The following CALCR variants were observed in gnomAD, a reference collection of about 807,000 sequenced individuals.
CALCR encodes calcitonin receptor.
CALCR carries 47 observed loss-of-function variants against 59.5 expected under a neutral mutation model. The observed-to-expected ratio is 0.79, with a 90% CI of 0.63 to 1.01. The LOEUF is 1.01. Ranked by LOEUF, CALCR falls within the 50% of genes least tolerant of loss-of-function variation. CALCR has a pLI of 0.00. For synonymous variants in CALCR, 213 were observed against 211.3 expected (o/e 1.01, Z -0.07); for missense variants, 566 against 597.1 (o/e 0.95, Z 0.54).
intron 2 of CALCR, among the ~76,000 whole-genome samples, chr7:93,561,306 G>A (rs1357651228): frequency 6.6e-6 from 1 of 151,710 alleles, no homozygotes; most frequent in East Asian, 1.9e-4. Flanking sequence ...TTTTTCAAGT[G>A]TAGCCTGCAT....
chr7:93,546,839 G>A (rs1789302665), intron 2 of CALCR, among the ~76,000 whole-genome samples: 1 of 152,072 alleles, frequency 6.6e-6, no homozygotes, highest in African/African-American at 2.4e-5. Flanking sequence ...GGGATTACAG[G>A]CTTGAGCCAC....
chr7:93,479,404 T>C lies in CALCR; in HGVS notation c.155A>G (p.Gln52Arg), dbSNP rs959037400. The C allele has an allele frequency of 3.1e-6, 5 of 1,612,638 alleles. No homozygotes were observed. In the Admixed American group the frequency reaches 5.0e-5, roughly 16 times the overall value. The change falls in exon 4 of 14, where the codon CAG becomes CGG. Residue 52 changes from glutamine to arginine, a missense_variant. Gln to Arg is a conservative substitution (Grantham distance 43). Transcript: ENST00000426151. Reference protein sequence around the residue: ...VVGRKKMMDAQYKCYDRMQQL... With the variant: ...VVGRKKMMDARYKCYDRMQQL... ...CTGCATTCGGTCATAGCATTTGTAC[T>C]GTGCATCCATCATCTTCTTTCGTCC... is the stretch of plus-strand genomic sequence containing the variant.
intron 2 of CALCR, among the ~76,000 whole-genome samples, chr7:93,523,094 G>T (rs1300936700): frequency 6.6e-6 from 1 of 152,174 alleles, no homozygotes; most frequent in East Asian, 1.9e-4. Flanking sequence ...TTGTTAAAAT[G>T]AATGCTCAAG....
At chr7:93,557,376 CA>C (rs1314574255) in intron 2 of CALCR, among the ~76,000 whole-genome samples, 6 of 151,596 alleles carry the variant, frequency 4.0e-5, no homozygotes, top group African/African-American at 1.2e-4. Context: ...AGCTAATTAA[CA>C]TATACAAGAA....
chr7:93,503,994 T>C (rs1237924799), intron 2 of CALCR, among the ~76,000 whole-genome samples: 1 of 152,162 alleles, frequency 6.6e-6, no homozygotes, highest in Non-Finnish European at 1.5e-5. Flanking sequence ...CTGATGGGCT[T>C]TCTAATTACA....
intron 13 of CALCR, among the ~76,000 whole-genome samples, chr7:93,429,768 A>G (rs1799607644): frequency 1.3e-5 from 2 of 152,036 alleles, no homozygotes. Context: ...AATGAATGCA[A>G]AGATTGTAAC....
intron 13 of CALCR, among the ~76,000 whole-genome samples, chr7:93,433,442 G>A (rs1008353001): frequency 2.0e-5 from 3 of 152,180 alleles, no homozygotes; most frequent in Non-Finnish European, 2.9e-5. Context: ...TTAATTGGGA[G>A]TTGGTCAGTT....
chr7:93,482,719 A>G (rs1226017492), intron 3 of CALCR: 2 of 513,326 alleles, frequency 3.9e-6, no homozygotes, highest in African/African-American at 3.9e-5. Flanking sequence ...GAAATACGAC[A>G]ATCTGTATAC....
chr7:93,521,285 G>C lies in CALCR; in HGVS notation c.-26-34278C>G, dbSNP rs570394364. Among the ~76,000 whole-genome samples, 3 of 152,176 alleles carry C rather than the reference G, an allele frequency of 2.0e-5. No homozygotes were observed. In the South Asian group the frequency reaches 6.2e-4, roughly 32 times the overall value. On this transcript the variant is annotated intron_variant, in intron 2 of 13. Transcript: ENST00000426151. ...GTGGCCCAGATCACAGAGGTCACTG[G>C]ATACAAAGGCACTTGGTAGGAAGAT...
At chr7:93,496,160 A>G (rs939971917) in intron 2 of CALCR, among the ~76,000 whole-genome samples, 2 of 151,466 alleles carry the variant, frequency 1.3e-5, no homozygotes, top group Non-Finnish European at 3.0e-5. Context: ...TTCCAAAAGC[A>G]TGTTCCATAG....
intron 6 of CALCR, among the ~76,000 whole-genome samples, chr7:93,469,818 T>G (rs1039303299): frequency 6.6e-5 from 10 of 151,762 alleles, no homozygotes; most frequent in African/African-American, 1.9e-4. Flanking sequence ...TGAATGCAAA[T>G]GTAGTGTAGA....
chr7:93,531,343 A>T (rs745620722), intron 2 of CALCR, among the ~76,000 whole-genome samples: 2 of 152,066 alleles, frequency 1.3e-5, no homozygotes, highest in Non-Finnish European at 2.9e-5. Flanking sequence ...AGTTGTTACT[A>T]AAGTCTTTGC....
chr7:93,505,226 T>C (rs1801401736), intron 2 of CALCR, among the ~76,000 whole-genome samples: 2 of 152,046 alleles, frequency 1.3e-5, no homozygotes, highest in South Asian at 4.2e-4. Flanking sequence ...CCCCCAAAAA[T>C]AGTTTGAGTT....
In CALCR at chr7:93,487,019, T is replaced by A. The variant is rs762526303; in HGVS notation, c.-26-12A>T. 2 of 1,429,368 alleles carry A rather than the reference T, an allele frequency of 1.4e-6. No homozygotes were observed. Among genetic ancestry groups the A allele is most frequent in the Admixed American group, 3.5e-5 (2 of 57,014 alleles). The allele number at this position is 1,429,368 out of a possible 1,614,324, so 88.5% of individuals were successfully genotyped here. ...AAGATCTCTTTGTCCTAGAAAAATATAAAAGCAACAAAGACTAAAATTAAT... is the reference window on the plus strand; with the variant it reads ...AAGATCTCTTTGTCCTAGAAAAATAAAAAAGCAACAAAGACTAAAATTAAT... On this transcript the variant is annotated splice_polypyrimidine_tract_variant and intron_variant, in intron 2 of 13. Coordinates refer to ENST00000426151, the MANE Select transcript of CALCR (RefSeq NM_001742.4).
intron 8 of CALCR, among the ~76,000 whole-genome samples, chr7:93,454,061 T>C (rs1442340647): frequency 3.3e-5 from 5 of 152,008 alleles, no homozygotes; most frequent in Non-Finnish European, 7.4e-5. Context: ...CTGAAATAGA[T>C]CATTTCAATC....
At chr7:93,512,144 G>GA (rs1467806137) in intron 2 of CALCR, among the ~76,000 whole-genome samples, 1 of 152,166 alleles carries the variant, frequency 6.6e-6, no homozygotes, top group Non-Finnish European at 1.5e-5. Context: ...AAGGTAGGCA[G>GA]AATAATGTTC....
chr7:93,472,379 A>G lies in CALCR; in HGVS notation c.425T>C (p.Leu142Pro), dbSNP rs1362897316. The G allele has an allele frequency of 6.3e-7, 1 of 1,575,960 alleles. No homozygotes were observed. The highest frequency in any genetic ancestry group is 8.7e-7 in the Non-Finnish European group (1 of 1,148,164). ...GAAACGTGAAAAAGAACCTACCTTC[A>G]GTTTCTCAGGAGTGAAAGCATTGCA... The part of the protein sequence containing the change: ...TMCNAFTPEK[L>P]KNAYVLYYLA... The change falls in exon 6 of 14, where the codon CTG (leucine) becomes CCG (proline). Residue 142 changes from leucine (L) to proline (P), a missense_variant. Leu to Pro is a moderately conservative substitution (Grantham distance 98). Coordinates refer to ENST00000426151, the MANE Select transcript of CALCR (RefSeq NM_001742.4).
At position 93,480,333 on chromosome 7, in the gene CALCR, G is replaced by A. The variant is rs551297223; in HGVS notation, c.52-826C>T. Among the ~76,000 whole-genome samples the A allele has an allele frequency of 1.6e-4, 24 of 151,822 alleles. 1 individual carries two copies. In the South Asian group the frequency reaches 5.0e-3, roughly 32 times the overall value. ...TGTGGCTATGACCAATGTTTTTAGT[G>A]GTGTTGGAATCTGCGAATTTTTAAT... On this transcript the variant is annotated intron_variant, in intron 3 of 13. Coordinates refer to ENST00000426151, the MANE Select transcript of CALCR (RefSeq NM_001742.4).
intron 2 of CALCR, among the ~76,000 whole-genome samples, chr7:93,513,686 T>C (rs1801595795): frequency 6.6e-6 from 1 of 152,036 alleles, no homozygotes; most frequent in Admixed American, 6.6e-5. Flanking sequence ...ATTTGAAAAA[T>C]GGAGATTGTA....
Sources: gnomAD v4.1 joint callset for allele counts (sites outside exome capture counted in the v4.1 genomes callset) on GRCh38, gnomAD v4.1.1 for gene constraint, MANE v1.5 for transcripts, NCBI Gene and HGNC (gene_info 2026-07-23, HGNC 2026-07-21) for gene names.